Variants in WDR7 observed in about 807,000 individuals in gnomAD.
The protein encoded by WDR7 is WD repeat-containing protein 7.
Under a neutral mutation model 169.4 loss-of-function variants are expected in WDR7, and 46 were observed. The ratio of observed to expected loss-of-function variants is 0.27; its 90% CI spans 0.21 to 0.35. The LOEUF is 0.35. WDR7 is among the 10% of genes least tolerant of loss of function. The pLI is 1.00. For synonymous variants in WDR7, 612 were observed against 666.8 expected, an observed-to-expected ratio of 0.92 and a Z score of 1.27; for missense variants, 1,534 against 1,859.3, an observed-to-expected ratio of 0.83 and a Z score of 3.22.
intron 12 of WDR7, among the ~76,000 whole-genome samples, chr18:56,714,798 T>C (rs79946257): frequency 2.0e-5 from 3 of 152,328 alleles, no homozygotes; most frequent in East Asian, 3.9e-4. Context: ...AAAAGTATTC[T>C]TTAAAACATA....
intron 20 of WDR7, among the ~76,000 whole-genome samples, chr18:56,830,571 A>T (rs1204603924): frequency 6.6e-6 from 1 of 152,214 alleles, no homozygotes; most frequent in Admixed American, 6.5e-5. Context: ...CTACCTCTAG[A>T]TCACCTCTGG....
intron 19 of WDR7, among the ~76,000 whole-genome samples, chr18:56,787,961 G>GT (rs1312470569): frequency 1.3e-5 from 2 of 152,174 alleles, no homozygotes; most frequent in African/African-American, 4.8e-5. Flanking sequence ...GATAAACATG[G>GT]TATGAGTCTT....
intron 26 of WDR7, among the ~76,000 whole-genome samples, chr18:57,019,349 A>G (rs774973947): frequency 6.6e-6 from 1 of 152,184 alleles, no homozygotes; most frequent in Non-Finnish European, 1.5e-5. Context: ...TATCATCATC[A>G]TCATCGTTCC....
intron 14 of WDR7, among the ~76,000 whole-genome samples, chr18:56,745,806 C>T (rs564435628): frequency 5.3e-5 from 8 of 152,300 alleles, no homozygotes; most frequent in Non-Finnish European, 1.0e-4. Flanking sequence ...CTTAGTAACT[C>T]ACTTTACTAA....
chr18:56,976,868 C>T (rs1655825736), intron 26 of WDR7, among the ~76,000 whole-genome samples: 1 of 152,148 alleles, frequency 6.6e-6, no homozygotes, highest in Non-Finnish European at 1.5e-5. Context: ...AAGGGGTGGG[C>T]CCAAGGAAGG....
chr18:56,995,007 T>C (rs1023416514), intron 26 of WDR7, among the ~76,000 whole-genome samples: 1 of 152,226 alleles, frequency 6.6e-6, no homozygotes, highest in Non-Finnish European at 1.5e-5. Flanking sequence ...ATTTAGTTTT[T>C]TTAGTTGCTC....
chr18:56,986,595 G>T (rs1277463676), intron 26 of WDR7, among the ~76,000 whole-genome samples: 1 of 152,042 alleles, frequency 6.6e-6, no homozygotes, highest in Admixed American at 6.6e-5. Context: ...GCCTTAGTGG[G>T]CTGCCTCTGG....
chr18:56,697,501 C>T (rs1397603742), intron 12 of WDR7, among the ~76,000 whole-genome samples: 1 of 152,096 alleles, frequency 6.6e-6, no homozygotes, highest in Non-Finnish European at 1.5e-5. Flanking sequence ...TCTCTTCCTT[C>T]TTTTTTATTC....
chr18:57,019,278 C>T (rs886908270), intron 26 of WDR7, among the ~76,000 whole-genome samples: 2 of 152,166 alleles, frequency 1.3e-5, no homozygotes, highest in Non-Finnish European at 2.9e-5. Context: ...ATGCATTGTG[C>T]AGAACGCTAC....
chr18:56,764,048 T>C (rs2044023699), intron 16 of WDR7, among the ~76,000 whole-genome samples: 2 of 150,668 alleles, frequency 1.3e-5, no homozygotes, highest in Non-Finnish European at 3.0e-5. Context: ...TTCACTGGTT[T>C]TTGATTTGAT....
chr18:56,976,235 A>T (rs537592363), intron 26 of WDR7, among the ~76,000 whole-genome samples: 41 of 152,302 alleles, frequency 2.7e-4, no homozygotes, highest in Non-Finnish European at 4.9e-4. Context: ...ACAGCATGTT[A>T]AATATATACA....
intron 22 of WDR7, among the ~76,000 whole-genome samples, chr18:56,933,727 A>G (rs1045639264): frequency 2.6e-5 from 4 of 152,216 alleles, no homozygotes; most frequent in African/African-American, 7.2e-5. Context: ...GACATCCACA[A>G]CTACCCAGCC....
At chr18:56,940,701 T>G (rs145176130) in intron 25 of WDR7, among the ~76,000 whole-genome samples, 19 of 152,322 alleles carry the variant, frequency 1.2e-4, no homozygotes, top group Non-Finnish European at 2.4e-4. Context: ...TGCCTGTCAC[T>G]TCCTGGAGGT....
chr18:56,820,829 A>G (rs932447703), intron 20 of WDR7, among the ~76,000 whole-genome samples: 2 of 152,134 alleles, frequency 1.3e-5, no homozygotes, highest in Admixed American at 6.5e-5. Context: ...GATCTTAGAG[A>G]CTAGCTTATG....
At chr18:56,883,025 A>G (rs1450360381) in intron 21 of WDR7, among the ~76,000 whole-genome samples, 1 of 152,104 alleles carries the variant, frequency 6.6e-6, no homozygotes, top group Admixed American at 6.6e-5. Context: ...GATTGAGACC[A>G]CAGTGAAACC....
Position 57,020,640 on chromosome 18 carries a change from C to A in WDR7, c.4165-105C>A, listed in dbSNP as rs183808495. On this transcript the variant is annotated intron_variant, in intron 26 of 27. Coordinates refer to ENST00000254442, the MANE Select transcript of WDR7 (RefSeq NM_015285.3). ...TTATAAACAAAGAAGATAACAGCAT[C>A]TAATACCCATGACGTAACTTGTTCA... 6.4e-5 allele frequency: 64 copies of A among 999,086 alleles called. No homozygotes were observed. The East Asian group carries it at 9.7e-4, about 15-fold the overall frequency. 61.9% of individuals were successfully genotyped at this position (999,086 alleles called of 1,614,324 possible). A position where few individuals can be genotyped will look rare whatever the true frequency, so the allele number is the denominator to read the frequency against.
chr18:56,882,207 T>C (rs1232038136), intron 21 of WDR7, among the ~76,000 whole-genome samples: 1 of 152,236 alleles, frequency 6.6e-6, no homozygotes, highest in Non-Finnish European at 1.5e-5. Flanking sequence ...GCTCTTTAAT[T>C]AGTCTAGCTT....
chr18:56,799,629 ATAT>A (rs1382548437), intron 19 of WDR7, among the ~76,000 whole-genome samples: 1 of 152,184 alleles, frequency 6.6e-6, no homozygotes, highest in East Asian at 1.9e-4. Context: ...AGTATTTTAC[ATAT>A]TATTAATGCC....
At chr18:57,007,066 A>G (rs1471850647) in intron 26 of WDR7, among the ~76,000 whole-genome samples, 1 of 144,084 alleles carries the variant, frequency 6.9e-6, no homozygotes, top group Non-Finnish European at 1.5e-5. Context: ...TGCAAGCTCC[A>G]CCTCCCGGGT....
Sources: allele counts gnomAD v4.1 joint callset (sites outside exome capture counted in the v4.1 genomes callset), GRCh38; gene constraint gnomAD v4.1.1; transcripts MANE v1.5; gene names NCBI Gene and HGNC (gene_info 2026-07-23, HGNC 2026-07-21).